HS6ST3: variants seen among roughly 807,000 people sequenced by gnomAD.
The protein encoded by HS6ST3 is heparan-sulfate 6-O-sulfotransferase 3.
In HS6ST3, 12 loss-of-function variants were observed where a neutral mutation model predicts 36.7. The ratio of observed to expected loss-of-function variants is 0.33; its 90% CI spans 0.21 to 0.53. The LOEUF (loss-of-function observed/expected upper bound fraction) is 0.53, where lower values mean the gene tolerates loss of function less well. Ranked by LOEUF, HS6ST3 falls within the 20% of genes least tolerant of loss-of-function variation. HS6ST3 has a pLI of 0.95. For missense variants in HS6ST3, 584 were observed against 640.9 expected, an observed-to-expected ratio of 0.91 and a Z score of 0.96; for synonymous variants, 240 against 257.5, an observed-to-expected ratio of 0.93 and a Z score of 0.65.
chr13:96,109,475 G>T (rs1315014045), intron 1 of HS6ST3, among the ~76,000 whole-genome samples: 3 of 152,208 alleles, frequency 2.0e-5, no homozygotes, highest in Admixed American at 1.3e-4. Flanking sequence ...GTTTCCAAAA[G>T]GTTATGCATT....
At chr13:96,689,583 T>A (rs183494923) in intron 1 of HS6ST3, among the ~76,000 whole-genome samples, 1 of 147,894 alleles carries the variant, frequency 6.8e-6, no homozygotes, top group African/African-American at 2.5e-5. Flanking sequence ...CCATTGTGTT[T>A]GTAGTTTTTG....
At chr13:96,670,544 G>C (rs1293304526) in intron 1 of HS6ST3, among the ~76,000 whole-genome samples, 1 of 152,014 alleles carries the variant, frequency 6.6e-6, no homozygotes, top group Non-Finnish European at 1.5e-5. Flanking sequence ...GAGAAAGGAG[G>C]TTCCAGGGAG....
chr13:96,592,129 T>C lies in HS6ST3; in HGVS notation c.708-240361T>C, dbSNP rs139364582. Among the ~76,000 whole-genome samples the C allele has an allele frequency of 5.4e-3, 823 of 152,270 alleles. 5 individuals carry two copies. The highest frequency in any genetic ancestry group is 0.019 in the African/African-American group (776 of 41,572). Reference sequence around the variant, plus strand: ...TTTTGTTGAGAATTTTTTGCATCCATATTCATCAAGGATAATGGCCTATAG... The same window carrying C: ...TTTTGTTGAGAATTTTTTGCATCCACATTCATCAAGGATAATGGCCTATAG... On this transcript the variant is annotated intron_variant, in intron 1 of 1. Coordinates refer to ENST00000376705, the MANE Select transcript of HS6ST3 (RefSeq NM_153456.4).
intron 1 of HS6ST3, among the ~76,000 whole-genome samples, chr13:96,335,841 C>A (rs992930847): frequency 6.6e-6 from 1 of 152,208 alleles, no homozygotes; most frequent in African/African-American, 2.4e-5. Flanking sequence ...AAAAAGACTC[C>A]TTTTGTGAGT....
At chr13:96,147,538 G>GT (rs2054064225) in intron 1 of HS6ST3, among the ~76,000 whole-genome samples, 1 of 152,208 alleles carries the variant, frequency 6.6e-6, no homozygotes. Flanking sequence ...ACATCTGCTT[G>GT]TTCCCCAACC....
At chr13:96,226,122 A>G (rs2054479109) in intron 1 of HS6ST3, among the ~76,000 whole-genome samples, 1 of 152,216 alleles carries the variant, frequency 6.6e-6, no homozygotes, top group African/African-American at 2.4e-5. Context: ...TCTCAAAAAC[A>G]TATTTGATAT....
At chr13:96,774,678 T>C (rs998831300) in intron 1 of HS6ST3, among the ~76,000 whole-genome samples, 3 of 151,996 alleles carry the variant, frequency 2.0e-5, no homozygotes, top group Non-Finnish European at 2.9e-5. Flanking sequence ...AATATGGGAT[T>C]ATGTGAAAAG....
At chr13:96,693,659 A>G (rs1331340825) in intron 1 of HS6ST3, among the ~76,000 whole-genome samples, 2 of 151,870 alleles carry the variant, frequency 1.3e-5, no homozygotes, top group African/African-American at 4.8e-5. Context: ...TGTTTCAGCT[A>G]TTTATTCTCA....
chr13:96,336,971 T>C (rs1295465046), intron 1 of HS6ST3, among the ~76,000 whole-genome samples: 4 of 152,238 alleles, frequency 2.6e-5, no homozygotes, highest in Admixed American at 2.0e-4. Flanking sequence ...TAGTTTTCTA[T>C]GACCAGTTAC....
intron 1 of HS6ST3, among the ~76,000 whole-genome samples, chr13:96,762,502 C>T (rs929315687): frequency 2.0e-5 from 3 of 152,008 alleles, no homozygotes; most frequent in African/African-American, 7.2e-5. Flanking sequence ...AAAAAATGCT[C>T]TAAATATTGA....
chr13:96,406,911 AT>A (rs5805968), intron 1 of HS6ST3, among the ~76,000 whole-genome samples: 135,972 of 152,098 alleles, frequency 0.89, 61,051 homozygotes, highest in South Asian at 0.94. Flanking sequence ...TTTATTAAAC[AT>A]TTTTTTTGTA....
chr13:96,211,292 A>G (rs1214320275), intron 1 of HS6ST3, among the ~76,000 whole-genome samples: 1 of 152,172 alleles, frequency 6.6e-6, no homozygotes, highest in African/African-American at 2.4e-5. Flanking sequence ...ACTTCCAGCC[A>G]TGGGTCTTCT....
At chr13:96,138,987 T>C (rs550362500) in intron 1 of HS6ST3, among the ~76,000 whole-genome samples, 2 of 152,178 alleles carry the variant, frequency 1.3e-5, no homozygotes, top group South Asian at 4.1e-4. Flanking sequence ...TTTAGTAAAA[T>C]CAGAATACAT....
chr13:96,526,081 T>C (rs1566387155), intron 1 of HS6ST3, among the ~76,000 whole-genome samples: 1 of 147,152 alleles, frequency 6.8e-6, no homozygotes, highest in South Asian at 2.1e-4. Flanking sequence ...AGAGAAGACA[T>C]ATAGTCTGGG....
intron 1 of HS6ST3, among the ~76,000 whole-genome samples, chr13:96,681,455 C>A (rs1344394679): frequency 6.6e-6 from 1 of 152,100 alleles, no homozygotes; most frequent in African/African-American, 2.4e-5. Context: ...ACTGGACTTA[C>A]CTTCCCAAAA....
At chr13:96,270,462 T>C (rs9554333) in intron 1 of HS6ST3, among the ~76,000 whole-genome samples, 65,230 of 151,710 alleles carry the variant, frequency 0.43, 14,416 homozygotes, top group Middle Eastern at 0.52. Context: ...TTCAATTGTC[T>C]CTTTTAATTT....
chr13:96,386,727 G>A (rs375000749), intron 1 of HS6ST3, among the ~76,000 whole-genome samples: 233 of 152,120 alleles, frequency 1.5e-3, no homozygotes, highest in African/African-American at 5.3e-3. Context: ...TTAGCTGGGT[G>A]TGGTGGGGCA....
intron 1 of HS6ST3, among the ~76,000 whole-genome samples, chr13:96,651,273 TATC>T (rs1594827508): frequency 6.6e-6 from 1 of 152,120 alleles, no homozygotes; most frequent in Non-Finnish European, 1.5e-5. Flanking sequence ...CCTTTCCTAA[TATC>T]ATCCTCTTTT....
intron 1 of HS6ST3, among the ~76,000 whole-genome samples, chr13:96,712,664 C>T (rs908936646): frequency 6.6e-6 from 1 of 152,124 alleles, no homozygotes; most frequent in African/African-American, 2.4e-5. Context: ...TTTCATATGT[C>T]GATAGGCAAC....
Sources: allele counts gnomAD v4.1 joint callset (sites outside exome capture counted in the v4.1 genomes callset), GRCh38; gene constraint gnomAD v4.1.1; transcripts MANE v1.5; gene names NCBI Gene and HGNC (gene_info 2026-07-23, HGNC 2026-07-21).